The following FHIT variants were observed in gnomAD, a reference collection of about 807,000 sequenced individuals.
The protein encoded by FHIT is bis(5'-adenosyl)-triphosphatase.
In FHIT, 19 loss-of-function variants were observed where a neutral mutation model predicts 17.9. That is an observed-to-expected ratio of 1.06 (90% CI 0.74 to 1.56). The LOEUF (loss-of-function observed/expected upper bound fraction) is 1.56, where lower values mean the gene tolerates loss of function less well. Ranked by LOEUF, FHIT falls within the 40% of genes most tolerant of loss-of-function variation. FHIT has a pLI of 0.00. For missense variants in FHIT, 248 were observed against 189.2 expected (o/e 1.31, Z -1.82); for synonymous variants, 81 against 69.7 (o/e 1.16, Z -0.81).
intron 4 of FHIT, among the ~76,000 whole-genome samples, chr3:60,740,816 A>C (rs1553713695): frequency 6.6e-6 from 1 of 152,216 alleles, no homozygotes; most frequent in African/African-American, 2.4e-5. Flanking sequence ...GAAACTGAAT[A>C]GAGGTAGTGC....
intron 5 of FHIT, among the ~76,000 whole-genome samples, chr3:60,434,522 G>C (rs1479867330): frequency 6.6e-6 from 1 of 151,958 alleles, no homozygotes; most frequent in African/African-American, 2.4e-5. Flanking sequence ...CACTATCCTA[G>C]TCCCCCACCA....
intron 8 of FHIT, among the ~76,000 whole-genome samples, chr3:59,803,033 C>G (rs1700060686): frequency 6.6e-6 from 1 of 152,116 alleles, no homozygotes; most frequent in Non-Finnish European, 1.5e-5. Context: ...CTGTGATATC[C>G]CCAGCGCTGC....
chr3:60,448,526 C>A (rs75306382), intron 5 of FHIT, among the ~76,000 whole-genome samples: 11,720 of 152,172 alleles, frequency 0.077, 643 homozygotes, highest in Non-Finnish European at 0.12. Context: ...CCGTCATAAT[C>A]CTCATTCTTA....
intron 8 of FHIT, among the ~76,000 whole-genome samples, chr3:59,755,836 TGAAAAACAGTGATGGA>T (rs1363657375): frequency 6.9e-6 from 1 of 145,384 alleles, no homozygotes; most frequent in Non-Finnish European, 1.5e-5. Flanking sequence ...AGAAACGTTA[TGAAAAACAGTGATGGA>T]GGGAAAGAGG....
At chr3:60,433,620 T>C (rs900573293) in intron 5 of FHIT, among the ~76,000 whole-genome samples, 14 of 152,220 alleles carry the variant, frequency 9.2e-5, no homozygotes, top group Admixed American at 2.0e-4. Flanking sequence ...TCCTAACAGG[T>C]GTGAGGTGTC....
At chr3:59,948,749 C>T (rs142510813) in intron 7 of FHIT, among the ~76,000 whole-genome samples, 94 of 152,182 alleles carry the variant, frequency 6.2e-4, no homozygotes, top group African/African-American at 2.1e-3. Flanking sequence ...TCATGTGCTA[C>T]GTGCCACCCT....
intron 4 of FHIT, among the ~76,000 whole-genome samples, chr3:60,755,199 G>T (rs1049107981): frequency 2.0e-5 from 3 of 152,120 alleles, no homozygotes; most frequent in Non-Finnish European, 2.9e-5. Context: ...TCAAACTCAA[G>T]TGTTTTCCAG....
At chr3:60,086,404 G>A (rs1010501974) in intron 5 of FHIT, among the ~76,000 whole-genome samples, 1 of 152,088 alleles carries the variant, frequency 6.6e-6, no homozygotes, top group African/African-American at 2.4e-5. Context: ...TCTCACATGT[G>A]AAATACAATT....
At chr3:60,253,466 A>G (rs1044214733) in intron 5 of FHIT, among the ~76,000 whole-genome samples, 1 of 152,244 alleles carries the variant, frequency 6.6e-6, no homozygotes, top group African/African-American at 2.4e-5. Context: ...ATGTACCAGT[A>G]AGGATATAAT....
At chr3:60,854,300 T>C (rs1231196646) in intron 3 of FHIT, among the ~76,000 whole-genome samples, 2 of 152,158 alleles carry the variant, frequency 1.3e-5, no homozygotes, top group Non-Finnish European at 2.9e-5. Flanking sequence ...CACTTAGTAA[T>C]ACTTAAATGC....
chr3:60,027,694 G>C (rs1248409830), intron 5 of FHIT, among the ~76,000 whole-genome samples: 1 of 146,532 alleles, frequency 6.8e-6, no homozygotes, highest in Non-Finnish European at 1.5e-5. Flanking sequence ...TCTTAACTCA[G>C]AATCTCTTCT....
At chr3:60,130,784 G>GTATATACACACATATGTGTGT (rs148356992) in intron 5 of FHIT, among the ~76,000 whole-genome samples, 3 of 111,628 alleles carry the variant, frequency 2.7e-5, no homozygotes, top group African/African-American at 8.9e-5. Flanking sequence ...GTGTGTGTGT[G>GTATATACACACATATGTGTGT]GTGTGTATAT....
At chr3:59,997,647 A>C (rs1203110563) in intron 7 of FHIT, among the ~76,000 whole-genome samples, 1 of 152,300 alleles carries the variant, frequency 6.6e-6, no homozygotes, top group Admixed American at 6.5e-5. Context: ...ATTCTGTTTA[A>C]AGAGAAGAAT....
chr3:61,199,668 G>A (rs558865845), intron 2 of FHIT, among the ~76,000 whole-genome samples: 38 of 152,172 alleles, frequency 2.5e-4, no homozygotes, highest in African/African-American at 9.1e-4. Context: ...AAGAAGTTAG[G>A]AAGAACTTAA....
intron 3 of FHIT, among the ~76,000 whole-genome samples, chr3:61,018,345 G>C (rs2032227986): frequency 6.6e-6 from 1 of 152,168 alleles, no homozygotes; most frequent in Non-Finnish European, 1.5e-5. Context: ...GAGAATTCTA[G>C]AACCTTCACT....
intron 5 of FHIT, among the ~76,000 whole-genome samples, chr3:60,411,459 A>G (rs927496372): frequency 6.6e-6 from 1 of 152,184 alleles, no homozygotes; most frequent in Non-Finnish European, 1.5e-5. Context: ...GGAAAAAGCC[A>G]TTTACAAAAC....
intron 5 of FHIT, among the ~76,000 whole-genome samples, chr3:60,428,503 ATTG>A (rs766939910): frequency 6.6e-6 from 1 of 152,154 alleles, no homozygotes; most frequent in Non-Finnish European, 1.5e-5. Context: ...CTGCATCCAG[ATTG>A]TTAACTCTTG....
intron 4 of FHIT, among the ~76,000 whole-genome samples, chr3:60,559,795 C>G (rs938013955): frequency 2.6e-5 from 4 of 151,976 alleles, no homozygotes; most frequent in Admixed American, 1.3e-4. Flanking sequence ...TGAAGCCATC[C>G]CACACACTGT....
chr3:60,854,609 T>C (rs1406448449), intron 3 of FHIT, among the ~76,000 whole-genome samples: 1 of 151,226 alleles, frequency 6.6e-6, no homozygotes, highest in Admixed American at 6.6e-5. Context: ...ACTTTCATTG[T>C]CATAGACGGC....
Sources: allele counts gnomAD v4.1 joint callset (sites outside exome capture counted in the v4.1 genomes callset), GRCh38; gene constraint gnomAD v4.1.1; transcripts MANE v1.5; gene names NCBI Gene and HGNC (gene_info 2026-07-23, HGNC 2026-07-21).